Variants in DOCK2 observed in about 807,000 individuals in gnomAD.
DOCK2 encodes dedicator of cytokinesis 2.
DOCK2 carries 87 observed loss-of-function variants against 248.9 expected under a neutral mutation model. The ratio of observed to expected loss-of-function variants is 0.35; its 90% CI spans 0.29 to 0.42. The LOEUF (loss-of-function observed/expected upper bound fraction) is 0.42. Ranked by LOEUF, DOCK2 falls within the 10% of genes least tolerant of loss-of-function variation. The probability of loss-of-function intolerance (pLI) is 1.00; values close to 1 mark genes in which losing one functional copy is unlikely to be tolerated. For synonymous variants in DOCK2, 805 were observed against 821.6 expected, an observed-to-expected ratio of 0.98 and a Z score of 0.35; for missense variants, 1,747 against 2,300.2, an observed-to-expected ratio of 0.76 and a Z score of 4.92.
At chr5:169,974,780 G>C (rs913611937) in intron 27 of DOCK2, among the ~76,000 whole-genome samples, 1 of 152,154 alleles carries the variant, frequency 6.6e-6, no homozygotes, top group Non-Finnish European at 1.5e-5. Context: ...TGTATACATG[G>C]AGAATAAATC....
intron 26 of DOCK2, among the ~76,000 whole-genome samples, chr5:169,832,439 T>C (rs1769286664): frequency 1.3e-5 from 2 of 152,202 alleles, no homozygotes; most frequent in South Asian, 2.1e-4. Flanking sequence ...GCAGAGATGA[T>C]GGGATAGAGC....
intron 26 of DOCK2, among the ~76,000 whole-genome samples, chr5:169,830,676 A>G (rs1404823683): frequency 6.6e-6 from 1 of 152,198 alleles, no homozygotes; most frequent in Non-Finnish European, 1.5e-5. Context: ...CTACATTTTA[A>G]TAAAAACCCT....
chr5:169,667,875 T>C (rs966880785), intron 2 of DOCK2, among the ~76,000 whole-genome samples: 1 of 152,180 alleles, frequency 6.6e-6, no homozygotes, highest in Admixed American at 6.5e-5. Flanking sequence ...CCACTGAAAA[T>C]AGAATGTGAT....
At chr5:169,724,603 A>G (rs1419092793) in intron 22 of DOCK2, among the ~76,000 whole-genome samples, 1 of 151,996 alleles carries the variant, frequency 6.6e-6, no homozygotes, top group East Asian at 1.9e-4. Context: ...CACATTAACA[A>G]GGGCATCTCA....
chr5:169,705,385 C>G (rs6860136), intron 14 of DOCK2, among the ~76,000 whole-genome samples: 25,561 of 152,070 alleles, frequency 0.17, 2,272 homozygotes, highest in Middle Eastern at 0.21. Context: ...TGAGACCACC[C>G]AACTTGAGGC....
At chr5:169,728,787 A>G (rs569558501) in intron 22 of DOCK2, among the ~76,000 whole-genome samples, 6 of 151,374 alleles carry the variant, frequency 4.0e-5, no homozygotes, top group African/African-American at 1.5e-4. Flanking sequence ...GACTTCCCCC[A>G]TCCATCCTTC....
Position 169,840,943 on chromosome 5 carries a change from A to G in DOCK2, c.2799+91A>G, listed in dbSNP as rs1431999769. On this transcript the variant is annotated intron_variant, in intron 27 of 51. Coordinates refer to ENST00000520908, the MANE Select transcript of DOCK2 (RefSeq NM_004946.3). ...AAAAGGCAGATCACATTGAACTCCC[A>G]GCATTGATCATTGCTTTGTTTTGGA... is the stretch of plus-strand genomic sequence containing the variant. 8 of 1,355,002 alleles carry G rather than the reference A, an allele frequency of 5.9e-6. No homozygotes were observed. The African/African-American group carries it at 1.2e-4, about 20-fold the overall frequency. The allele number at this position is 1,355,002 out of a possible 1,614,324, so 83.9% of individuals were successfully genotyped here. A position where few individuals can be genotyped will look rare whatever the true frequency, so the allele number is the denominator to read the frequency against.
At chr5:169,889,143 A>G (rs1378773533) in intron 27 of DOCK2, among the ~76,000 whole-genome samples, 3 of 152,178 alleles carry the variant, frequency 2.0e-5, no homozygotes, top group Non-Finnish European at 4.4e-5. Flanking sequence ...ATAATCCTGT[A>G]TTATCTAATT....
chr5:170,032,532 C>T (rs1756177283), intron 34 of DOCK2, among the ~76,000 whole-genome samples: 1 of 152,150 alleles, frequency 6.6e-6, no homozygotes, highest in Non-Finnish European at 1.5e-5. Context: ...CGAGATGTCT[C>T]CTGCCCTGGA....
At chr5:169,914,947 C>A (rs11741522) in intron 27 of DOCK2, among the ~76,000 whole-genome samples, 54,670 of 152,130 alleles carry the variant, frequency 0.36, 10,133 homozygotes, top group South Asian at 0.42. Flanking sequence ...GCAGCGCCTG[C>A]CCAGAGCTGG....
chr5:169,777,703 C>T (rs187561678), intron 25 of DOCK2, among the ~76,000 whole-genome samples: 35 of 152,294 alleles, frequency 2.3e-4, no homozygotes, highest in East Asian at 9.6e-4. Flanking sequence ...ACAATATAGA[C>T]GGTTGACCTC....
intron 25 of DOCK2, among the ~76,000 whole-genome samples, chr5:169,801,152 T>TGG (rs1766958095): frequency 1.4e-5 from 1 of 71,466 alleles, no homozygotes; most frequent in South Asian, 5.8e-4. Context: ...TTGGGTTTTT[T>TGG]TTTTTTTTTT....
chr5:170,038,393 G>C (rs1756394116), intron 36 of DOCK2, among the ~76,000 whole-genome samples: 1 of 152,016 alleles, frequency 6.6e-6, no homozygotes, highest in Admixed American at 6.6e-5. Flanking sequence ...CTGCAAACAG[G>C]GTATAGTCTG....
Position 169,825,552 on chromosome 5 carries a change from T to C in DOCK2, c.2704-15205T>C, listed in dbSNP as rs1363830115. ...ACCAAACACCGCATGTTCTCATTCATAGGTGGGAATTGAACAATGAGAACA... is the reference window on the plus strand; with the variant it reads ...ACCAAACACCGCATGTTCTCATTCACAGGTGGGAATTGAACAATGAGAACA... On this transcript the variant is annotated intron_variant, in intron 26 of 51. Transcript: ENST00000520908. Among the ~76,000 whole-genome samples the C allele has an allele frequency of 5.1e-5, 7 of 137,268 alleles. No homozygotes were observed. In the South Asian group the frequency reaches 1.4e-3, roughly 27 times the overall value. The allele number at this position is 137,268 out of a possible 152,430, so 90.1% of individuals were successfully genotyped here. A position where few individuals can be genotyped will look rare whatever the true frequency, so the allele number is the denominator to read the frequency against.
intron 27 of DOCK2, among the ~76,000 whole-genome samples, chr5:169,867,737 G>A (rs1230761751): frequency 6.6e-6 from 1 of 151,946 alleles, no homozygotes; most frequent in Non-Finnish European, 1.5e-5. Context: ...TAACATCACA[G>A]TCTCTTCTTC....
At chr5:169,883,589 T>C in intron 27 of DOCK2, 1 of 1,551,672 alleles carries the variant, frequency 6.4e-7, no homozygotes, top group Non-Finnish European at 8.7e-7. Context: ...AAATGCTTCC[T>C]GAGACTGGGG....
chr5:170,082,750 T>C (rs1279144956), intron 51 of DOCK2, 46 bp from the exon 52 acceptor site: 3 of 1,612,450 alleles, frequency 1.9e-6, no homozygotes, highest in Admixed American at 3.3e-5. Context: ...TGGTGCTTAA[T>C]CTGATAATCG....
chr5:169,769,929 C>T (rs533801988), intron 25 of DOCK2, among the ~76,000 whole-genome samples: 10 of 152,270 alleles, frequency 6.6e-5, no homozygotes, highest in South Asian at 2.1e-4. Context: ...GTTTTATTTA[C>T]GTTCCTGGTC....
At position 170,075,030 on chromosome 5, in the gene DOCK2, G is replaced by A. The variant is rs145568372; in HGVS notation, c.4729-917G>A. ...CATATTGTGTGGCAGGTTTATGAAT[G>A]TCTCCAAGTTTCACTGAAGATTTCA... On this transcript the variant is annotated intron_variant, in intron 46 of 51. Coordinates refer to ENST00000520908, the MANE Select transcript of DOCK2 (RefSeq NM_004946.3). Among the ~76,000 whole-genome samples the A allele has an allele frequency of 3.0e-3, 460 of 152,286 alleles. 2 individuals carry two copies. The highest frequency in any genetic ancestry group is 9.8e-3 in the African/African-American group (409 of 41,544).
Sources: gnomAD v4.1 joint callset for allele counts (sites outside exome capture counted in the v4.1 genomes callset) on GRCh38, gnomAD v4.1.1 for gene constraint, MANE v1.5 for transcripts, NCBI Gene and HGNC (gene_info 2026-07-23, HGNC 2026-07-21) for gene names.